PLA2G4B: variants seen among roughly 807,000 people sequenced by gnomAD.
PLA2G4B encodes cytosolic phospholipase A2 beta.
In PLA2G4B, 122 loss-of-function variants were observed where a neutral mutation model predicts 95.8. That is an observed-to-expected ratio of 1.27 (90% confidence interval 1.10 to 1.48). PLA2G4B has a LOEUF of 1.48. PLA2G4B is among the 40% of genes most tolerant of loss of function. The pLI is 0.00. For missense variants in PLA2G4B, 1,158 were observed against 996.2 expected, an observed-to-expected ratio of 1.16 and a Z score of -2.19; for synonymous variants, 518 against 421.5, an observed-to-expected ratio of 1.23 and a Z score of -2.80.
chr15:41,842,805 C>A, intron 10 of PLA2G4B: 1 of 621,716 alleles, frequency 1.6e-6, no homozygotes, highest in Non-Finnish European at 2.5e-6. Context: ...GTGACCGGCC[C>A]AGTGCCAGGC....
At chr15:41,840,118 C>T in intron 1 of PLA2G4B, 40 bp from the exon 2 acceptor site, 2 of 1,604,744 alleles carry the variant, frequency 1.2e-6, no homozygotes, top group Non-Finnish European at 8.5e-7. Context: ...CCCTTGGCTT[C>T]ATCGGCCCGT....
rs781354135 is a variant in PLA2G4B, at chr15:41,846,296, C to T, written c.1694C>T (p.Pro565Leu). ...TTCACCGATCTTCTGACGTGGCGTCCACTGGCCCAGGCCACACATAATTTC... is the reference window on the plus strand; with the variant it reads ...TTCACCGATCTTCTGACGTGGCGTCTACTGGCCCAGGCCACACATAATTTC... ...EFFTDLLTWR[P>L]LAQATHNFLR... The change falls in exon 17 of 20, where the codon CCA becomes CTA. Residue 565 changes from proline (P) to leucine (L), a missense_variant. Coordinates refer to ENST00000458483, the MANE Select transcript of PLA2G4B (RefSeq NM_001114633.2). 10 of 1,614,080 alleles carry T rather than the reference C, an allele frequency of 6.2e-6. No homozygotes were observed. Among genetic ancestry groups the T allele is most frequent in the South Asian group, 1.1e-5 (1 of 91,084 alleles).
chr15:41,840,965 C>T (rs1316228070), intron 4 of PLA2G4B, 60 bp downstream of exon 4: 2 of 1,588,516 alleles, frequency 1.3e-6, no homozygotes, highest in Non-Finnish European at 8.6e-7. Context: ...TCCACGCGCA[C>T]ACATGCACAC....
Position 41,844,931 on chromosome 15 carries a change from C to T in PLA2G4B, c.1100C>T (p.Thr367Ile). The change falls in exon 13 of 20, where the codon ACC (threonine) becomes ATC (isoleucine). Residue 367 changes from threonine to isoleucine, a missense_variant. Transcript: ENST00000458483. ...GPTELLKTQV[T>I]KNKLGVLAPS... ...ACTGAGTTGCTGAAGACCCAGGTGA[C>T]CAAGAACAAGCTGGGTGTGCTGGCC... The T allele has an allele frequency of 1.2e-6, 2 of 1,612,560 alleles. No individual in the cohort carries two copies. The highest frequency in any genetic ancestry group is 1.3e-5 in the African/African-American group (1 of 75,038).
At chr15:41,846,456 C>T in intron 17 of PLA2G4B, 74 bp downstream of exon 17, 1 of 1,547,548 alleles carries the variant, frequency 6.5e-7, no homozygotes, top group Non-Finnish European at 8.8e-7. Flanking sequence ...CCCTCACAGT[C>T]CACTCCCATT....
chr15:41,841,237 C>T lies in PLA2G4B; in HGVS notation c.399C>T (p.Asp133=). 6.2e-7 allele frequency: 1 copy of T among 1,613,814 alleles called. No homozygotes were observed. The highest frequency in any genetic ancestry group is 8.5e-7 in the Non-Finnish European group (1 of 1,180,004). ...CTCTGGGGGCTCTTTCCAGGGCTGA[C>T]CGTGGCGAGTGGCTCGTCAGCAATG... The part of the protein sequence containing the change: ...EVEFRLQSLA[D]RGEWLVSNGV... Residue 133 remains aspartate (D), a synonymous_variant, in exon 6 of 20, where the codon GAC becomes GAT. Transcript: ENST00000458483.
At position 41,842,793 on chromosome 15, in the gene PLA2G4B, G is replaced by A. The variant is rs138666650; in HGVS notation, c.743+202G>A. The A allele has an allele frequency of 1.7e-5, 13 of 763,490 alleles. No homozygotes were observed. The South Asian group carries it at 2.1e-4, about 12-fold the overall frequency. The allele number at this position is 763,490 out of a possible 1,614,324, so 47.3% of individuals were successfully genotyped here. ...TCTTAGCACCTATGGTCAGAGGGGC[G>A]AGTGACCGGCCCAGTGCCAGGCACC... On this transcript the variant is annotated intron_variant, in intron 10 of 19. Coordinates refer to ENST00000458483, the MANE Select transcript of PLA2G4B (RefSeq NM_001114633.2).
Position 41,843,736 on chromosome 15 carries a change from G to A in PLA2G4B, c.804G>A (p.Leu268=). 6.2e-7 allele frequency: 1 copy of A among 1,614,084 alleles called. No individual in the cohort carries two copies. The highest frequency in any genetic ancestry group is 1.1e-5 in the South Asian group (1 of 91,080). Residue 268 remains leucine (L), a synonymous_variant, in exon 11 of 20, where the codon CTG becomes CTA. Coordinates refer to ENST00000458483, the MANE Select transcript of PLA2G4B (RefSeq NM_001114633.2). The part of the protein sequence containing the change: ...FGPCAEEQAF[L]SRRKQVVAAA... ...CCTGTGCAGAGGAGCAGGCCTTCCT[G>A]AGCAGGAGGAAGCAGGTGGTGGCCG... is the stretch of plus-strand genomic sequence containing the variant.
chr15:41,846,074 G>A, intron 16 of PLA2G4B, 27 bp downstream of exon 16: 2 of 1,571,510 alleles, frequency 1.3e-6, no homozygotes, highest in South Asian at 2.3e-5. Flanking sequence ...CTTCATAAGG[G>A]TGCCAAGGGG....
chr15:41,843,907 A>G (rs1417436031), intron 11 of PLA2G4B, 96 bp downstream of exon 11: 11 of 1,503,276 alleles, frequency 7.3e-6, no homozygotes, highest in Non-Finnish European at 8.9e-6. Context: ...TCTAGACCAG[A>G]GCTCGTAGCT....
chr15:41,840,696 C>G (rs779458666), intron 3 of PLA2G4B, 36 bp downstream of exon 3: 4 of 1,606,622 alleles, frequency 2.5e-6, no homozygotes, highest in Non-Finnish European at 3.4e-6. Context: ...TACCCACATC[C>G]TCGCCAGCCA....
At chr15:41,840,477 C>T (rs200559419) in intron 2 of PLA2G4B, 47 bp from the exon 3 acceptor site, 4 of 1,611,856 alleles carry the variant, frequency 2.5e-6, no homozygotes, top group Non-Finnish European at 3.4e-6. Context: ...GTCTGGGCGG[C>T]TGGGAAGGGC....
intron 10 of PLA2G4B, chr15:41,842,799 C>A: frequency 1.4e-6 from 1 of 705,044 alleles, no homozygotes; most frequent in Non-Finnish European, 2.2e-6. Flanking sequence ...GGGCGAGTGA[C>A]CGGCCCAGTG....
chr15:41,848,052 T>A lies in PLA2G4B; in HGVS notation c.*192T>A. Reference sequence around the variant, plus strand: ...GGTAAGGAGGCCAAGCCCATTTGTGTAATCACCCAAAACCCCCCGGCCTGT... The same window carrying A: ...GGTAAGGAGGCCAAGCCCATTTGTGAAATCACCCAAAACCCCCCGGCCTGT... On this transcript the variant is annotated 3_prime_UTR_variant, in exon 20 of 20. Coordinates refer to ENST00000458483, the MANE Select transcript of PLA2G4B (RefSeq NM_001114633.2). 1.4e-6 allele frequency: 1 copy of A among 732,904 alleles called. No homozygotes were observed. Among genetic ancestry groups the A allele is most frequent in the Non-Finnish European group, 2.2e-6 (1 of 458,556 alleles). The allele number at this position is 732,904 out of a possible 1,614,324, so 45.4% of individuals were successfully genotyped here. A position where few individuals can be genotyped will look rare whatever the true frequency, so the allele number is the denominator to read the frequency against.
intron 18 of PLA2G4B, 83 bp from the exon 19 acceptor site, chr15:41,847,254 G>A (rs2065577396): frequency 2.0e-6 from 3 of 1,502,404 alleles, no homozygotes; most frequent in East Asian, 2.3e-5. Flanking sequence ...TTGAGCCCCA[G>A]GTCCTGTGCA....
rs1399034101 is a variant in PLA2G4B at position 41,845,738 on chromosome 15, G to A, written c.1458G>A (p.Met486Ile). ...CCGAGTTCTTTATGGGGCAGCTGATGAAGAGGCTTCCTGAGTCCCGCATCT... is the reference window on the plus strand; with the variant it reads ...CCGAGTTCTTTATGGGGCAGCTGATAAAGAGGCTTCCTGAGTCCCGCATCT... ...FGSEFFMGQL[M>I]KRLPESRICF... The change falls in exon 15 of 20, where the codon ATG becomes ATA. Residue 486 changes from methionine (M) to isoleucine (I), a missense_variant. By Grantham distance (10) the Met-to-Ile change is conservative. Coordinates refer to ENST00000458483, the MANE Select transcript of PLA2G4B (RefSeq NM_001114633.2). 45 of 1,611,404 alleles carry A rather than the reference G, an allele frequency of 2.8e-5. No individual in the cohort carries two copies. Among genetic ancestry groups the A allele is most frequent in the Non-Finnish European group, 3.6e-5 (43 of 1,178,790 alleles).
chr15:41,839,821 TGTG>T (rs2140887192), intron 1 of PLA2G4B: 1 of 278,470 alleles, frequency 3.6e-6, no homozygotes, highest in East Asian at 8.0e-5. Context: ...CAACCCCAAT[TGTG>T]GACCTCAGGC....
chr15:41,845,603 C>G (rs751955403), intron 14 of PLA2G4B, 35 bp from the exon 15 acceptor site: 2 of 1,613,532 alleles, frequency 1.2e-6, no homozygotes, highest in Non-Finnish European at 1.7e-6. Flanking sequence ...CCTAAGGGCT[C>G]TGCACCATGA....
Position 41,843,825 on chromosome 15 carries a change from G to C in PLA2G4B, c.879+14G>C, listed in dbSNP as rs753966542. The C allele has an allele frequency of 1.9e-6, 3 of 1,612,634 alleles. No homozygotes were observed. The highest frequency in any genetic ancestry group is 2.5e-6 in the Non-Finnish European group (3 of 1,179,174). On this transcript the variant is annotated intron_variant, in intron 11 of 19. Transcript: ENST00000458483. The stretch of plus-strand genomic sequence containing the variant: ...CAGGAGGATGAGGTTTGGGGGCTGG[G>C]CTGGATGGGGTGTCCCCGGGCTTGC...
Sources: allele counts gnomAD v4.1 joint callset, GRCh38; gene constraint gnomAD v4.1.1; transcripts MANE v1.5; gene names NCBI Gene and HGNC (gene_info 2026-07-23, HGNC 2026-07-21).